FBXL4: variants seen among roughly 807,000 people sequenced by gnomAD.
FBXL4 encodes F-box and leucine rich repeat protein 4, also known as F-box/LRR-repeat protein 4.
A neutral mutation model predicts 58.9 loss-of-function variants in FBXL4; 40 were observed. That is an observed-to-expected ratio of 0.68 (90% CI 0.53 to 0.88). The LOEUF is 0.88. Ranked by LOEUF, FBXL4 falls within the 40% of genes least tolerant of loss-of-function variation. The probability of loss-of-function intolerance (pLI) is 0.00; values close to 1 mark genes in which losing one functional copy is unlikely to be tolerated. For missense variants in FBXL4, 676 were observed against 734.4 expected (o/e 0.92, Z 0.92); for synonymous variants, 263 against 265.5 (o/e 0.99, Z 0.09).
chr6:98,925,763 ATTATAT>A (rs1432014107), intron 4 of FBXL4, among the ~76,000 whole-genome samples: 3 of 152,212 alleles, frequency 2.0e-5, no homozygotes, highest in Admixed American at 6.5e-5. Flanking sequence ...AAAATATAAA[ATTATAT>A]TTGTATTTGC....
intron 5 of FBXL4, among the ~76,000 whole-genome samples, chr6:98,915,360 A>G (rs1772297841): frequency 6.6e-6 from 1 of 152,226 alleles, no homozygotes; most frequent in African/African-American, 2.4e-5. Flanking sequence ...CCACATCACC[A>G]AGTCAATCCT....
intron 4 of FBXL4, among the ~76,000 whole-genome samples, chr6:98,922,540 G>T (rs1173649459): frequency 6.6e-6 from 1 of 152,164 alleles, no homozygotes; most frequent in Non-Finnish European, 1.5e-5. Context: ...CTAAATGTGA[G>T]AATGCACATT....
intron 2 of FBXL4, among the ~76,000 whole-genome samples, chr6:98,930,392 G>A (rs570783425): frequency 1.3e-5 from 2 of 152,332 alleles, no homozygotes; most frequent in Non-Finnish European, 2.9e-5. Context: ...CTGCACTCCA[G>A]CCTGGGTGAC....
At chr6:98,889,670 C>A (rs1248264203) in intron 7 of FBXL4, among the ~76,000 whole-genome samples, 1 of 139,986 alleles carries the variant, frequency 7.1e-6, no homozygotes, top group Non-Finnish European at 1.5e-5. Flanking sequence ...CAGAGTGACA[C>A]CCTGTCTCAA....
chr6:98,936,295 T>C (rs1174623886), intron 1 of FBXL4, among the ~76,000 whole-genome samples: 3 of 152,210 alleles, frequency 2.0e-5, no homozygotes, highest in African/African-American at 7.2e-5. Context: ...CCTAAAAGGA[T>C]CCCTGGTCAA....
At chr6:98,925,217 T>C (rs907733539) in intron 4 of FBXL4, among the ~76,000 whole-genome samples, 2 of 152,234 alleles carry the variant, frequency 1.3e-5, no homozygotes, top group African/African-American at 4.8e-5. Flanking sequence ...TTTTCACCTA[T>C]TAAATTGCAA....
Position 98,927,164 on chromosome 6 carries a change from T to C in FBXL4, c.-72-104A>G, listed in dbSNP as rs919510897. The C allele has an allele frequency of 1.1e-5, 6 of 555,236 alleles. No individual in the cohort carries two copies. The South Asian group carries it at 2.0e-4, about 19-fold the overall frequency. 34.4% of individuals were successfully genotyped at this position (555,236 alleles called of 1,614,324 possible). ...CTACCCTCAATGTAATTTCTCAGAATGAAACTAAAAAAACAAGTTTTAAAA... is the reference window on the plus strand; with the variant it reads ...CTACCCTCAATGTAATTTCTCAGAACGAAACTAAAAAAACAAGTTTTAAAA... On this transcript the variant is annotated intron_variant, in intron 3 of 9. Transcript: ENST00000369244.
intron 5 of FBXL4, among the ~76,000 whole-genome samples, chr6:98,914,722 C>T (rs375246199): frequency 1.2e-4 from 19 of 152,188 alleles, no homozygotes; most frequent in African/African-American, 2.9e-4. Flanking sequence ...ATACTGAATG[C>T]GCAAAAACTG....
At chr6:98,917,762 G>A in intron 4 of FBXL4, 43 bp from the exon 5 acceptor site, 1 of 1,435,944 alleles carries the variant, frequency 7.0e-7, no homozygotes, top group South Asian at 1.4e-5. Flanking sequence ...TTTAGAATGA[G>A]ATCTACTGGT....
chr6:98,872,589 C>T lies in FBXL4; in HGVS notation c.*1689G>A, dbSNP rs1043260040. The T allele has an allele frequency of 1.3e-5, 2 of 152,084 alleles. No individual in the cohort carries two copies. The highest frequency in any genetic ancestry group is 4.8e-5 in the African/African-American group (2 of 41,414). 9.4% of individuals were successfully genotyped at this position (152,084 alleles called of 1,614,324 possible). ...TTTTGAATTTTGTCAATAAAATTTT[C>T]GTGCAAATTTTATTTCTCTCTAGTT... is the stretch of plus-strand genomic sequence containing the variant. On this transcript the variant is annotated 3_prime_UTR_variant, in exon 10 of 10. Transcript: ENST00000369244.
In FBXL4 at chr6:98,874,274, T is replaced by G. The variant is rs751716397; in HGVS notation, c.*4A>C. 6.3e-7 allele frequency: 1 copy of G among 1,575,634 alleles called. No homozygotes were observed. Among genetic ancestry groups the G allele is most frequent in the Non-Finnish European group, 8.6e-7 (1 of 1,167,642 alleles). ...ATTAATTTTAATACAGAACATATAT[T>G]AAGTCACTGAGTAAAGCTCTTTTTT... On this transcript the variant is annotated 3_prime_UTR_variant, in exon 10 of 10. Transcript: ENST00000369244.
Position 98,905,448 on chromosome 6 carries a change from T to A in FBXL4, c.1081A>T (p.Ile361Phe). Reference sequence around the variant, plus strand: ...AACCTGCTAAATCCTGCAACAGAGATGAAGCCTCTATTGCCAGTCCAAGAT... The same window carrying A: ...AACCTGCTAAATCCTGCAACAGAGAAGAAGCCTCTATTGCCAGTCCAAGAT... ...NLSWTGNRGF[I>F]SVAGFSRFLK... The change falls in exon 6 of 10, where the codon ATC becomes TTC. Residue 361 changes from isoleucine (I) to phenylalanine (F), a missense_variant. Physicochemically the swap from Ile to Phe is conservative, Grantham distance 21. Coordinates refer to ENST00000369244, the MANE Select transcript of FBXL4 (RefSeq NM_001278716.2). 1.9e-6 allele frequency: 3 copies of A among 1,614,066 alleles called. No homozygotes were observed. The highest frequency in any genetic ancestry group is 2.5e-6 in the Non-Finnish European group (3 of 1,179,918).
intron 4 of FBXL4, among the ~76,000 whole-genome samples, chr6:98,923,568 C>T (rs1256648597): frequency 6.6e-6 from 1 of 152,188 alleles, no homozygotes; most frequent in Non-Finnish European, 1.5e-5. Flanking sequence ...CCTCACTCAA[C>T]CCTCAGGTCC....
At position 98,869,885 on chromosome 6, in the gene FBXL4, C is replaced by T. The variant is rs796952053; in HGVS notation, c.*4393G>A. The T allele has an allele frequency of 2.0e-5, 3 of 152,282 alleles. No individual in the cohort carries two copies. Among genetic ancestry groups the T allele is most frequent in the African/African-American group, 7.2e-5 (3 of 41,570 alleles). The allele number at this position is 152,282 out of a possible 1,614,324, so 9.4% of individuals were successfully genotyped here. A position where few individuals can be genotyped will look rare whatever the true frequency, so the allele number is the denominator to read the frequency against. On this transcript the variant is annotated 3_prime_UTR_variant, in exon 10 of 10. Transcript: ENST00000369244. The stretch of plus-strand genomic sequence containing the variant: ...GTATTTTTAAGATCTTATTTCAAAA[C>T]AATTTACATTGAGAGTATTATTTAT...
At position 98,870,280 on chromosome 6, in the gene FBXL4, G is replaced by T. The variant is rs1343772284; in HGVS notation, c.*3998C>A. 1 of 152,144 alleles carries T rather than the reference G, an allele frequency of 6.6e-6. No individual in the cohort carries two copies. Among genetic ancestry groups the T allele is most frequent in the African/African-American group, 2.4e-5 (1 of 41,420 alleles). 9.4% of individuals were successfully genotyped at this position (152,144 alleles called of 1,614,324 possible). A position where few individuals can be genotyped will look rare whatever the true frequency, so the allele number is the denominator to read the frequency against. ...CTCTGGAATAGGGGTCACAAATTTG[G>T]TCCACAAGCCAAATCCAGCCAGCTC... On this transcript the variant is annotated 3_prime_UTR_variant, in exon 10 of 10. Transcript: ENST00000369244.
chr6:98,929,066 T>C (rs1347388286), intron 2 of FBXL4, among the ~76,000 whole-genome samples: 3 of 152,182 alleles, frequency 2.0e-5, no homozygotes, highest in Non-Finnish European at 2.9e-5. Context: ...CAGTACATAA[T>C]AGGCACAAAA....
At chr6:98,916,796 T>C (rs1772372569) in intron 5 of FBXL4, among the ~76,000 whole-genome samples, 1 of 147,950 alleles carries the variant, frequency 6.8e-6, no homozygotes, top group South Asian at 2.1e-4. Context: ...TGTGCACATG[T>C]ACCCTAAAAC....
chr6:98,914,738 A>G (rs1163946446), intron 5 of FBXL4, among the ~76,000 whole-genome samples: 1 of 152,248 alleles, frequency 6.6e-6, no homozygotes. Context: ...AACTGGAAGC[A>G]TTCCCTTTGA....
At chr6:98,899,240 A>C in intron 7 of FBXL4, 28 bp downstream of exon 7, 1 of 1,609,002 alleles carries the variant, frequency 6.2e-7, no homozygotes, top group Non-Finnish European at 8.5e-7. Context: ...CCATAATAGC[A>C]ATGATGAAAA....
Sources: gnomAD v4.1 joint callset for allele counts (sites outside exome capture counted in the v4.1 genomes callset) on GRCh38, gnomAD v4.1.1 for gene constraint, MANE v1.5 for transcripts, NCBI Gene and HGNC (gene_info 2026-07-23, HGNC 2026-07-21) for gene names.